The following ATP8A1 variants were observed in gnomAD, a reference collection of about 807,000 sequenced individuals.
ATP8A1 encodes ATPase phospholipid transporting 8A1.
ATP8A1 carries 90 observed loss-of-function variants against 177.7 expected under a neutral mutation model. That is an observed-to-expected ratio of 0.51 (90% CI 0.43 to 0.60). The LOEUF (loss-of-function observed/expected upper bound fraction) is 0.60. Ranked by LOEUF, ATP8A1 falls within the 20% of genes least tolerant of loss-of-function variation. The pLI is 0.00. For synonymous variants in ATP8A1, 493 were observed against 485.9 expected (o/e 1.01, Z -0.19); for missense variants, 1,072 against 1,392.8 (o/e 0.77, Z 3.67).
chr4:42,534,781 A>C (rs951805666), intron 20 of ATP8A1, among the ~76,000 whole-genome samples: 5 of 152,188 alleles, frequency 3.3e-5, no homozygotes, highest in Non-Finnish European at 1.5e-5. Context: ...GTAACCTATA[A>C]ATGAAAACCT....
intron 22 of ATP8A1, among the ~76,000 whole-genome samples, chr4:42,514,618 T>C (rs1394391878): frequency 6.6e-6 from 1 of 152,214 alleles, no homozygotes; most frequent in Non-Finnish European, 1.5e-5. Flanking sequence ...CTAGTGATTA[T>C]GCAACTGCAC....
intron 36 of ATP8A1, among the ~76,000 whole-genome samples, chr4:42,413,460 C>T (rs984998457): frequency 3.9e-5 from 6 of 152,252 alleles, no homozygotes; most frequent in Admixed American, 2.0e-4. Flanking sequence ...CCACCATGTA[C>T]GGTCCCTTGG....
intron 1 of ATP8A1, among the ~76,000 whole-genome samples, chr4:42,631,085 A>G (rs1738680639): frequency 6.6e-6 from 1 of 152,248 alleles, no homozygotes; most frequent in Non-Finnish European, 1.5e-5. Context: ...TCATAGGCTG[A>G]GCCTCATAAA....
chr4:42,624,588 G>C lies in ATP8A1; in HGVS notation c.311C>G (p.Pro104Arg). Residue 104 changes from proline (P) to arginine (R), a missense_variant, in exon 4 of 37, where the codon CCT becomes CGT. Coordinates refer to ENST00000381668, the MANE Select transcript of ATP8A1 (RefSeq NM_006095.2). Reference sequence around the variant, plus strand: ...TGCCACAGCTAAAATAAATAAGAGAGGAACCAGTGTTGTATAACGACCTGT... The same window carrying C: ...TGCCACAGCTAAAATAAATAAGAGACGAACCAGTGTTGTATAACGACCTGT... ...SPTGRYTTLV[P>R]LLFILAVAAI... The C allele has an allele frequency of 6.7e-7, 1 of 1,496,740 alleles. No individual in the cohort carries two copies. Among genetic ancestry groups the C allele is most frequent in the Non-Finnish European group, 8.9e-7 (1 of 1,121,576 alleles). 92.7% of individuals were successfully genotyped at this position (1,496,740 alleles called of 1,614,324 possible).
At chr4:42,420,008 A>AAC (rs1560303414) in intron 35 of ATP8A1, among the ~76,000 whole-genome samples, 2 of 128,570 alleles carry the variant, frequency 1.6e-5, no homozygotes, top group African/African-American at 6.2e-5. Context: ...GTCTCAAAAA[A>AAC]AAACAAACAA....
At chr4:42,455,055 AC>A (rs1560342505) in intron 29 of ATP8A1, among the ~76,000 whole-genome samples, 1 of 152,158 alleles carries the variant, frequency 6.6e-6, no homozygotes, top group Non-Finnish European at 1.5e-5. Flanking sequence ...TGCCTTACAA[AC>A]CCAAGTGAAT....
At chr4:42,591,939 T>C (rs1006367821) in intron 6 of ATP8A1, among the ~76,000 whole-genome samples, 2 of 152,166 alleles carry the variant, frequency 1.3e-5, no homozygotes, top group Admixed American at 6.5e-5. Context: ...GTGGACAGTG[T>C]GAAGATAGTA....
chr4:42,478,926 T>C (rs1721373721), intron 25 of ATP8A1, among the ~76,000 whole-genome samples: 1 of 152,158 alleles, frequency 6.6e-6, no homozygotes, highest in Non-Finnish European at 1.5e-5. Context: ...TTTCAAGGAA[T>C]TGTGGAGAAA....
rs1712288146 is a variant in ATP8A1 at position 42,409,047 on chromosome 4, T to C, written c.*3869A>G. 1 of 152,194 alleles carries C rather than the reference T, an allele frequency of 6.6e-6. No individual in the cohort carries two copies. Among genetic ancestry groups the C allele is most frequent in the Non-Finnish European group, 1.5e-5 (1 of 68,008 alleles). The allele number at this position is 152,194 out of a possible 1,614,324, so 9.4% of individuals were successfully genotyped here. ...AATTTGTTCAAATTTCTTTGTAAAA[T>C]AATCTACTTATTAAAAAAGTTGTGC... On this transcript the variant is annotated 3_prime_UTR_variant, in exon 37 of 37. Coordinates refer to ENST00000381668, the MANE Select transcript of ATP8A1 (RefSeq NM_006095.2).
At chr4:42,575,094 G>C (rs538104408) in intron 13 of ATP8A1, among the ~76,000 whole-genome samples, 2 of 152,156 alleles carry the variant, frequency 1.3e-5, no homozygotes, top group Non-Finnish European at 2.9e-5. Context: ...TGCAACATCT[G>C]AACTGGTAAG....
intron 25 of ATP8A1, among the ~76,000 whole-genome samples, chr4:42,479,774 AT>A (rs1447184459): frequency 6.6e-6 from 1 of 152,192 alleles, no homozygotes; most frequent in Non-Finnish European, 1.5e-5. Context: ...AAACAGTAAA[AT>A]GAATAAGAGG....
intron 21 of ATP8A1, 147 bp from the exon 22 acceptor site, chr4:42,522,446 A>G: frequency 1.0e-6 from 1 of 958,022 alleles, no homozygotes; most frequent in South Asian, 1.6e-5. Context: ...TATGACAAAA[A>G]CTTAGTATAA....
intron 15 of ATP8A1, among the ~76,000 whole-genome samples, chr4:42,559,514 T>G (rs1463389739): frequency 6.6e-6 from 1 of 152,208 alleles, no homozygotes; most frequent in African/African-American, 2.4e-5. Context: ...GTAAAGCATG[T>G]ATCATTGGTG....
chr4:42,568,506 G>C (rs1197373991), intron 15 of ATP8A1, among the ~76,000 whole-genome samples: 2 of 152,050 alleles, frequency 1.3e-5, no homozygotes, highest in Non-Finnish European at 2.9e-5. Flanking sequence ...TATCCAAGAT[G>C]AAAATATAAA....
chr4:42,596,505 A>T (rs1734725563), intron 6 of ATP8A1, among the ~76,000 whole-genome samples: 2 of 152,006 alleles, frequency 1.3e-5, no homozygotes, highest in African/African-American at 4.8e-5. Context: ...CCCTGTCTCT[A>T]CCAATACAAA....
intron 1 of ATP8A1, among the ~76,000 whole-genome samples, chr4:42,641,713 A>C (rs1279059037): frequency 1.3e-5 from 2 of 152,206 alleles, no homozygotes; most frequent in Non-Finnish European, 2.9e-5. Context: ...AGGCCTTAAA[A>C]AGTACTGGGG....
chr4:42,540,635 T>C lies in ATP8A1; in HGVS notation c.1722+3282A>G, dbSNP rs377502074. On this transcript the variant is annotated intron_variant, in intron 20 of 36. Coordinates refer to ENST00000381668, the MANE Select transcript of ATP8A1 (RefSeq NM_006095.2). ...TAATGACATCATGTCATTTGCAGCA[T>C]CGTAGATGAAACTGGAGGTCATTAT... Among the ~76,000 whole-genome samples, 9 of 151,886 alleles carry C rather than the reference T, an allele frequency of 5.9e-5. No homozygotes were observed. The East Asian group carries it at 1.4e-3, about 23-fold the overall frequency.
intron 6 of ATP8A1, among the ~76,000 whole-genome samples, chr4:42,595,828 T>A (rs980619765): frequency 1.5e-4 from 23 of 152,242 alleles, no homozygotes; most frequent in Non-Finnish European, 2.8e-4. Context: ...CCTAATTGAT[T>A]GTGCTGCTTT....
Position 42,579,732 on chromosome 4 carries a change from G to A in ATP8A1, c.1000+81C>T, listed in dbSNP as rs1015358870. Reference sequence around the variant, plus strand: ...AACAAGGTCTTTTTAGAAACAATACGAAATAAAGTAAATCAAGATCAATTG... The same window carrying A: ...AACAAGGTCTTTTTAGAAACAATACAAAATAAAGTAAATCAAGATCAATTG... On this transcript the variant is annotated intron_variant, in intron 11 of 36. Transcript: ENST00000381668. The A allele has an allele frequency of 1.4e-5, 18 of 1,261,788 alleles. No individual in the cohort carries two copies. The South Asian group carries it at 1.5e-4, about 11-fold the overall frequency. 78.2% of individuals were successfully genotyped at this position (1,261,788 alleles called of 1,614,324 possible).
Sources: allele counts gnomAD v4.1 joint callset (sites outside exome capture counted in the v4.1 genomes callset), GRCh38; gene constraint gnomAD v4.1.1; transcripts MANE v1.5; gene names NCBI Gene and HGNC (gene_info 2026-07-23, HGNC 2026-07-21).